GABBR2: variants seen among roughly 807,000 people sequenced by gnomAD.
GABBR2 encodes the protein gamma-aminobutyric acid type B receptor subunit 2, also known as G-protein coupled receptor 51.
Under a neutral mutation model 105.6 loss-of-function variants are expected in GABBR2, and 23 were observed. The ratio of observed to expected loss-of-function variants is 0.22; its 90% confidence interval spans 0.16 to 0.31. The LOEUF is 0.31. GABBR2 is among the 10% of genes least tolerant of loss of function. GABBR2 has a pLI of 1.00. For missense variants in GABBR2, 734 were observed against 1,245.5 expected (o/e 0.59, Z 6.18); for synonymous variants, 478 against 499.7 (o/e 0.96, Z 0.58).
At chr9:98,315,047 TC>T (rs1419060248) in intron 13 of GABBR2, among the ~76,000 whole-genome samples, 3 of 152,170 alleles carry the variant, frequency 2.0e-5, no homozygotes, top group African/African-American at 7.2e-5. Context: ...GCCCAGTCTT[TC>T]CCCCTGTGCT....
chr9:98,449,735 G>A (rs779315433), intron 7 of GABBR2, among the ~76,000 whole-genome samples: 1 of 152,160 alleles, frequency 6.6e-6, no homozygotes, highest in Non-Finnish European at 1.5e-5. Context: ...GATTTAAATA[G>A]CCAATTCTAG....
At chr9:98,538,157 A>G (rs368589820) in intron 3 of GABBR2, among the ~76,000 whole-genome samples, 2 of 152,182 alleles carry the variant, frequency 1.3e-5, no homozygotes, top group Non-Finnish European at 2.9e-5. Context: ...TCACTTAACC[A>G]TCTCATCTTC....
chr9:98,634,772 G>A lies in GABBR2; in HGVS notation c.322-56700C>T, dbSNP rs138603922. Among the ~76,000 whole-genome samples, 404 of 152,272 alleles carry A rather than the reference G, an allele frequency of 2.7e-3. 1 individual carries two copies. Among genetic ancestry groups the A allele is most frequent in the African/African-American group, 9.3e-3 (387 of 41,542 alleles). On this transcript the variant is annotated intron_variant, in intron 1 of 18. Transcript: ENST00000259455. The stretch of plus-strand genomic sequence containing the variant: ...TCCCGATCAAAAGTGTAGACATCAA[G>A]GGTTGGAGGAAGGAAAGCAACAACC...
intron 1 of GABBR2, among the ~76,000 whole-genome samples, chr9:98,596,433 T>C (rs925588070): frequency 2.6e-5 from 4 of 152,176 alleles, no homozygotes; most frequent in African/African-American, 9.7e-5. Context: ...GTGGGGGCTC[T>C]GGCTTATGGG....
intron 11 of GABBR2, among the ~76,000 whole-genome samples, chr9:98,378,075 GCAA>G (rs1191319269): frequency 1.3e-5 from 2 of 152,282 alleles, no homozygotes; most frequent in East Asian, 1.9e-4. Flanking sequence ...AAAACCCCAT[GCAA>G]CAACAACAAC....
intron 11 of GABBR2, among the ~76,000 whole-genome samples, chr9:98,385,282 C>T (rs141254064): frequency 2.0e-5 from 3 of 152,162 alleles, no homozygotes; most frequent in Admixed American, 1.3e-4. Context: ...CAACTCACTG[C>T]AACCTTGATC....
chr9:98,556,074 C>T (rs1564113333), intron 2 of GABBR2, among the ~76,000 whole-genome samples: 1 of 152,140 alleles, frequency 6.6e-6, no homozygotes, highest in Non-Finnish European at 1.5e-5. Context: ...CAGGAACTCA[C>T]CCAGTTGTCA....
intron 1 of GABBR2, among the ~76,000 whole-genome samples, chr9:98,620,571 A>C (rs955099065): frequency 6.6e-6 from 1 of 152,048 alleles, no homozygotes; most frequent in African/African-American, 2.4e-5. Flanking sequence ...TTTAAATGGT[A>C]TTCCTCCAAA....
chr9:98,396,839 TGC>T (rs1697640366), intron 8 of GABBR2, among the ~76,000 whole-genome samples: 1 of 152,190 alleles, frequency 6.6e-6, no homozygotes, highest in South Asian at 2.1e-4. Flanking sequence ...CGCTGCTGTA[TGC>T]ACCGTCCCAT....
intron 14 of GABBR2, among the ~76,000 whole-genome samples, chr9:98,309,453 G>A (rs3780444): frequency 0.13 from 19,221 of 152,258 alleles, 1,485 homozygotes; most frequent in Middle Eastern, 0.21. Flanking sequence ...ACAGGTCATT[G>A]ACATGACATG....
intron 12 of GABBR2, among the ~76,000 whole-genome samples, chr9:98,371,081 C>A (rs900283796): frequency 6.6e-6 from 1 of 152,112 alleles, no homozygotes; most frequent in Non-Finnish European, 1.5e-5. Flanking sequence ...CCTCTCTCGG[C>A]CCCTGACCAC....
intron 3 of GABBR2, among the ~76,000 whole-genome samples, chr9:98,534,825 TACA>T (rs1195052201): frequency 1.3e-5 from 2 of 152,226 alleles, no homozygotes; most frequent in Non-Finnish European, 1.5e-5. Flanking sequence ...GGCGTTTTCT[TACA>T]ACATGAAACA....
At chr9:98,296,062 T>C (rs1314564936) in intron 17 of GABBR2, among the ~76,000 whole-genome samples, 1 of 152,228 alleles carries the variant, frequency 6.6e-6, no homozygotes, top group Non-Finnish European at 1.5e-5. Flanking sequence ...GGTCTGAATG[T>C]GTCCCCCCAA....
intron 1 of GABBR2, among the ~76,000 whole-genome samples, chr9:98,705,882 G>A (rs923801901): frequency 3.9e-5 from 6 of 151,928 alleles, no homozygotes; most frequent in African/African-American, 1.2e-4. Context: ...TTCAAGACCA[G>A]CCCGACCAAC....
intron 4 of GABBR2, chr9:98,496,158 G>C (rs561738702): frequency 7.9e-6 from 4 of 507,232 alleles, no homozygotes; most frequent in Non-Finnish European, 1.4e-5. Context: ...CTGAGGCTGC[G>C]TTGAGAGATA....
intron 1 of GABBR2, among the ~76,000 whole-genome samples, chr9:98,580,272 C>A (rs1828983061): frequency 6.6e-6 from 1 of 152,144 alleles, no homozygotes; most frequent in Non-Finnish European, 1.5e-5. Context: ...GTCACCCTCC[C>A]CAAAATATTT....
intron 1 of GABBR2, chr9:98,607,999 A>G: frequency 7.8e-7 from 1 of 1,279,832 alleles, no homozygotes; most frequent in East Asian, 2.4e-5. Flanking sequence ...TTGGAAGCAC[A>G]GCATAAACAA....
intron 1 of GABBR2, among the ~76,000 whole-genome samples, chr9:98,653,008 A>G (rs572737837): frequency 6.6e-6 from 1 of 152,204 alleles, no homozygotes; most frequent in South Asian, 2.1e-4. Flanking sequence ...TTAACTAATC[A>G]TTTTTAGAGT....
At chr9:98,356,608 C>T (rs1831488070) in intron 13 of GABBR2, among the ~76,000 whole-genome samples, 1 of 152,176 alleles carries the variant, frequency 6.6e-6, no homozygotes, top group Non-Finnish European at 1.5e-5. Flanking sequence ...TTGGTAGTTT[C>T]TTACAAAACT....
Sources: gnomAD v4.1 joint callset for allele counts (sites outside exome capture counted in the v4.1 genomes callset) on GRCh38, gnomAD v4.1.1 for gene constraint, MANE v1.5 for transcripts, NCBI Gene and HGNC (gene_info 2026-07-23, HGNC 2026-07-21) for gene names.